USP37: variants seen among roughly 807,000 people sequenced by gnomAD.
USP37 encodes ubiquitin specific peptidase 37.
In USP37, 27 loss-of-function variants were observed where a neutral mutation model predicts 124.0. The observed-to-expected ratio is 0.22, with a 90% CI of 0.16 to 0.30. USP37 has a LOEUF of 0.30. Among genes scored for constraint, USP37 ranks in the 10% least tolerant of loss-of-function variants. USP37 has a pLI of 1.00. For synonymous variants in USP37, 365 were observed against 388.0 expected (o/e 0.94, Z 0.70); for missense variants, 889 against 1,140.4 (o/e 0.78, Z 3.17).
chr2:218,524,767 G>A (rs1320432236), intron 10 of USP37, among the ~76,000 whole-genome samples: 2 of 152,096 alleles, frequency 1.3e-5, no homozygotes, highest in East Asian at 1.9e-4. Flanking sequence ...GCACCACCAC[G>A]CCTGCCTAAT....
At chr2:218,469,048 G>A (rs1459286503) in intron 20 of USP37, among the ~76,000 whole-genome samples, 4 of 152,086 alleles carry the variant, frequency 2.6e-5, no homozygotes, top group South Asian at 2.1e-4. Flanking sequence ...ACAGCATCCT[G>A]GCTTTAGATT....
rs1693151510 is a variant in USP37, at chr2:218,558,554, T to C, written c.100A>G (p.Asn34Asp). ...TAGTGAACTACTAGGCTGACTTTAT[T>C]CTCTTTTTCTACAATTTCAAAGGAT... ...EGSFEIVEKE[N>D]KVSLVVHYNT... The change falls in exon 4 of 26, where the codon AAT becomes GAT. Residue 34 changes from asparagine (N) to aspartate (D), a missense_variant. Transcript: ENST00000258399. 3.7e-6 allele frequency: 6 copies of C among 1,613,654 alleles called. No homozygotes were observed. The highest frequency in any genetic ancestry group is 5.1e-6 in the Non-Finnish European group (6 of 1,179,846).
At chr2:218,565,511 A>G (rs113729675) in intron 1 of USP37, among the ~76,000 whole-genome samples, 5 of 152,374 alleles carry the variant, frequency 3.3e-5, no homozygotes, top group Admixed American at 1.3e-4. Flanking sequence ...AAAATGGGTA[A>G]AAGAATCCAA....
At chr2:218,557,889 T>G (rs369206795) in intron 4 of USP37, among the ~76,000 whole-genome samples, 5 of 117,764 alleles carry the variant, frequency 4.2e-5, no homozygotes, top group Non-Finnish European at 8.1e-5. Flanking sequence ...CGAAATCATG[T>G]CATTGTATTC....
intron 8 of USP37, 112 bp from the exon 9 acceptor site, chr2:218,534,818 T>C (rs1691530270): frequency 1.8e-6 from 1 of 552,182 alleles, no homozygotes; most frequent in African/African-American, 2.0e-5. Flanking sequence ...TTCATTGATA[T>C]GCTTGAAAAT....
At chr2:218,485,476 C>G (rs1019599944) in intron 16 of USP37, among the ~76,000 whole-genome samples, 188 bp downstream of exon 16, 10 of 152,078 alleles carry the variant, frequency 6.6e-5, no homozygotes, top group African/African-American at 2.4e-4. Flanking sequence ...CAAAAGCATT[C>G]TAGCTCTCTG....
chr2:218,452,008 C>T lies in USP37; in HGVS notation c.*2922G>A, dbSNP rs1689497680. ...ACGAAACAGTCTATCTTCTCATAGGCTTAAATTATAGTCATGGCTATTAAA... is the reference window on the plus strand; with the variant it reads ...ACGAAACAGTCTATCTTCTCATAGGTTTAAATTATAGTCATGGCTATTAAA... On this transcript the variant is annotated 3_prime_UTR_variant, in exon 26 of 26. Coordinates refer to ENST00000258399, the MANE Select transcript of USP37 (RefSeq NM_020935.3). 6.6e-6 allele frequency: 1 copy of T among 152,586 alleles called. No individual in the cohort carries two copies. Among genetic ancestry groups the T allele is most frequent in the African/African-American group, 2.4e-5 (1 of 41,426 alleles). 9.5% of individuals were successfully genotyped at this position (152,586 alleles called of 1,614,324 possible). A position where few individuals can be genotyped will look rare whatever the true frequency, so the allele number is the denominator to read the frequency against.
intron 10 of USP37, among the ~76,000 whole-genome samples, chr2:218,518,123 T>G (rs991425654): frequency 3.3e-5 from 5 of 152,198 alleles, no homozygotes; most frequent in African/African-American, 1.2e-4. Context: ...GCTTGACTAA[T>G]TTTTAATTTT....
intron 10 of USP37, among the ~76,000 whole-genome samples, chr2:218,520,236 T>C (rs1436023346): frequency 1.3e-5 from 2 of 150,760 alleles, no homozygotes; most frequent in East Asian, 2.0e-4. Context: ...GCCACTGAGC[T>C]TGGCCAATTT....
At chr2:218,532,289 A>T (rs1691371766) in intron 9 of USP37, among the ~76,000 whole-genome samples, 1 of 152,024 alleles carries the variant, frequency 6.6e-6, no homozygotes, top group African/African-American at 2.4e-5. Flanking sequence ...AATATGGTGA[A>T]ACCCCATCTC....
At chr2:218,547,380 A>G (rs1692402527) in intron 6 of USP37, among the ~76,000 whole-genome samples, 1 of 149,768 alleles carries the variant, frequency 6.7e-6, no homozygotes, top group South Asian at 2.1e-4. Context: ...ATTCTATTCT[A>G]GTTGATCTGC....
At chr2:218,479,817 C>A (rs776850125) in intron 17 of USP37, 102 bp from the exon 18 acceptor site, 1 of 671,870 alleles carries the variant, frequency 1.5e-6, no homozygotes, top group Non-Finnish European at 2.0e-6. Flanking sequence ...CCTTTTATGT[C>A]CTCTTGAAAA....
At chr2:218,483,151 A>G (rs905062674) in intron 16 of USP37, among the ~76,000 whole-genome samples, 3 of 152,306 alleles carry the variant, frequency 2.0e-5, no homozygotes, top group Non-Finnish European at 4.4e-5. Flanking sequence ...GAGAGAATAC[A>G]AGGACACAAC....
At chr2:218,563,155 C>G (rs1018210196) in intron 1 of USP37, among the ~76,000 whole-genome samples, 1 of 123,830 alleles carries the variant, frequency 8.1e-6, no homozygotes, top group Non-Finnish European at 1.7e-5. Flanking sequence ...AAGAGCAAAA[C>G]TCCATCTCAA....
intron 10 of USP37, among the ~76,000 whole-genome samples, chr2:218,527,674 A>C (rs1178829799): frequency 6.6e-6 from 1 of 152,232 alleles, no homozygotes; most frequent in Non-Finnish European, 1.5e-5. Flanking sequence ...AATCATTTGC[A>C]AACCAAATGT....
chr2:218,552,528 A>C (rs1692723202), intron 5 of USP37, among the ~76,000 whole-genome samples: 1 of 152,132 alleles, frequency 6.6e-6, no homozygotes, highest in Admixed American at 6.5e-5. Context: ...CAGCCTGGGA[A>C]ACAGAGTGGA....
chr2:218,543,844 A>T (rs1559220084), intron 8 of USP37, among the ~76,000 whole-genome samples: 1 of 152,020 alleles, frequency 6.6e-6, no homozygotes, highest in Non-Finnish European at 1.5e-5. Context: ...AAAAAAAAAC[A>T]TAGCTCTCTG....
rs1182992683 is a variant in USP37 at position 218,529,949 on chromosome 2, T to C, written c.863+7A>G. The C allele has an allele frequency of 1.2e-6, 2 of 1,601,688 alleles. No individual in the cohort carries two copies. Among genetic ancestry groups the C allele is most frequent in the Non-Finnish European group, 1.7e-6 (2 of 1,175,868 alleles). On this transcript the variant is annotated splice_region_variant and intron_variant, in intron 10 of 25. Coordinates refer to ENST00000258399, the MANE Select transcript of USP37 (RefSeq NM_020935.3). The stretch of plus-strand genomic sequence containing the variant: ...AGTTTTTCACAAGTAATATAACCAA[T>C]GCATACCTGTCTAAGTTAGTGCCAC...
intron 17 of USP37, among the ~76,000 whole-genome samples, chr2:218,480,658 T>A (rs1205057701): frequency 6.6e-6 from 1 of 152,222 alleles, no homozygotes; most frequent in Admixed American, 6.5e-5. Context: ...CCTCATTTAA[T>A]GTTCACAACC....
Sources: gnomAD v4.1 joint callset for allele counts (sites outside exome capture counted in the v4.1 genomes callset) on GRCh38, gnomAD v4.1.1 for gene constraint, MANE v1.5 for transcripts, NCBI Gene and HGNC (gene_info 2026-07-23, HGNC 2026-07-21) for gene names.